The following TTLL11 variants were observed in gnomAD, a reference collection of about 807,000 sequenced individuals.
TTLL11 encodes the protein tubulin polyglutamylase TTLL11.
In TTLL11, 42 loss-of-function variants were observed where a neutral mutation model predicts 51.7. That is an observed-to-expected ratio of 0.81 (90% CI 0.64 to 1.05). The LOEUF (loss-of-function observed/expected upper bound fraction) is 1.05. Ranked by LOEUF, TTLL11 falls within the 50% of genes least tolerant of loss-of-function variation. TTLL11 has a pLI of 0.00. For missense variants in TTLL11, 799 were observed against 940.4 expected (o/e 0.85, Z 1.97); for synonymous variants, 381 against 383.5 (o/e 0.99, Z 0.08).
chr9:121,877,079 G>C (rs967435554), intron 6 of TTLL11, among the ~76,000 whole-genome samples: 1 of 152,214 alleles, frequency 6.6e-6, no homozygotes, highest in Non-Finnish European at 1.5e-5. Context: ...CCCGTGGCTT[G>C]GCAGGAGAGC....
Position 121,822,241 on chromosome 9 carries a change from T to G in TTLL11, c.*346A>C. ...GGCTTCCTCTCCACAGCTCCGGGCC[T>G]TGGGATCGATTGTGTCCTGTGCCCC... On this transcript the variant is annotated 3_prime_UTR_variant, in exon 9 of 9. Transcript: ENST00000321582. This position sits in a 1 kb window ranked among gnomAD's most constrained non-coding sequence, Gnocchi z 5.8. 1 of 162,942 alleles carries G rather than the reference T, an allele frequency of 6.1e-6. No homozygotes were observed. The highest frequency in any genetic ancestry group is 1.3e-5 in the Non-Finnish European group (1 of 75,216). 10.1% of individuals were successfully genotyped at this position (162,942 alleles called of 1,614,324 possible).
intron 6 of TTLL11, among the ~76,000 whole-genome samples, chr9:121,893,238 A>G (rs1156705363): frequency 6.6e-6 from 1 of 152,164 alleles, no homozygotes; most frequent in African/African-American, 2.4e-5. Context: ...ACAAAGAGGG[A>G]AAAAAATCAC....
chr9:121,957,346 T>C (rs1456201791), intron 6 of TTLL11, among the ~76,000 whole-genome samples: 3 of 152,166 alleles, frequency 2.0e-5, no homozygotes, highest in Non-Finnish European at 2.9e-5. Flanking sequence ...CTTGATCATT[T>C]GAGCTGCTGG....
At chr9:121,873,851 T>TC (rs1838459772) in intron 6 of TTLL11, among the ~76,000 whole-genome samples, 1 of 144,340 alleles carries the variant, frequency 6.9e-6, no homozygotes, top group Non-Finnish European at 1.5e-5. Context: ...TTTTTTTTTT[T>TC]TTTGAGAGAC....
At chr9:121,832,330 C>T (rs982961002) in intron 8 of TTLL11, among the ~76,000 whole-genome samples, 1 of 152,108 alleles carries the variant, frequency 6.6e-6, no homozygotes, top group Non-Finnish European at 1.5e-5. Context: ...TCTTCCCTGC[C>T]CCTTCGCCAG....
At chr9:121,865,039 C>T (rs998853909) in intron 7 of TTLL11, among the ~76,000 whole-genome samples, 9 of 152,078 alleles carry the variant, frequency 5.9e-5, no homozygotes, top group African/African-American at 2.2e-4. Flanking sequence ...ACCTAAACAT[C>T]TAAGGGGGCA....
At position 121,820,110 on chromosome 9, in the gene TTLL11, G is replaced by A. The variant is rs1425136158; in HGVS notation, c.*2477C>T. 6.6e-6 allele frequency among the ~76,000 whole-genome samples: 1 copy of A among 152,222 alleles called. No homozygotes were observed. The highest frequency in any genetic ancestry group is 6.5e-5 in the Admixed American group (1 of 15,288). The stretch of plus-strand genomic sequence containing the variant: ...GGGGCCATGGTGGGCGGAGCAGCCC[G>A]CCTCCAGATGATGGCATGGGGTGGG... On this transcript the variant is annotated 3_prime_UTR_variant, in exon 9 of 9. Transcript: ENST00000321582.
chr9:121,963,927 A>C (rs779285231), intron 6 of TTLL11, among the ~76,000 whole-genome samples: 2 of 152,208 alleles, frequency 1.3e-5, no homozygotes, highest in Non-Finnish European at 2.9e-5. Context: ...TGGGGAACGC[A>C]ATGTATCTTG....
rs1473869389 is a variant in TTLL11, at chr9:121,826,488, T to C, written c.1841-3609A>G. 1.1e-3 allele frequency among the ~76,000 whole-genome samples: 82 copies of C among 73,704 alleles called. 2 individuals are homozygous for C. The highest frequency in any genetic ancestry group is 4.9e-3 in the African/African-American group (79 of 16,084). 48.4% of individuals were successfully genotyped at this position (73,704 alleles called of 152,430 possible). On this transcript the variant is annotated intron_variant, in intron 8 of 8. Transcript: ENST00000321582. The stretch of plus-strand genomic sequence containing the variant: ...GTGTGTATATATATATATGTATATA[T>C]ATATATGTGTGTGTATATATATATA...
At chr9:121,996,484 C>A (rs1342698211) in intron 3 of TTLL11, among the ~76,000 whole-genome samples, 1 of 152,164 alleles carries the variant, frequency 6.6e-6, no homozygotes, top group East Asian at 1.9e-4. Flanking sequence ...CACATGCACA[C>A]ACATGTATAG....
chr9:121,969,124 C>T (rs1418329913), intron 6 of TTLL11, among the ~76,000 whole-genome samples: 2 of 152,186 alleles, frequency 1.3e-5, no homozygotes, highest in Non-Finnish European at 1.5e-5. Flanking sequence ...CCCACCTTGG[C>T]CTCCCAAAGT....
rs4348572 is a variant in TTLL11, at chr9:121,820,017, T to G, written c.*2570A>C. Among the ~76,000 whole-genome samples, 161 of 152,144 alleles carry G rather than the reference T, an allele frequency of 1.1e-3. No homozygotes were observed. The highest frequency in any genetic ancestry group is 3.6e-3 in the African/African-American group (151 of 41,554). On this transcript the variant is annotated 3_prime_UTR_variant, in exon 9 of 9. Transcript: ENST00000321582. ...TCCCTAACAATCAGCAGGGAGGCTC[T>G]GTGCCCTGCGGGTGGGTGGGGCTAT...
chr9:122,020,832 C>T (rs193080555), intron 3 of TTLL11, among the ~76,000 whole-genome samples: 3 of 152,326 alleles, frequency 2.0e-5, no homozygotes, highest in South Asian at 2.1e-4. Context: ...AGGGCCCTCA[C>T]CAGAACCCAA....
At chr9:122,054,351 T>A (rs371539958) in intron 1 of TTLL11, among the ~76,000 whole-genome samples, 1 of 152,140 alleles carries the variant, frequency 6.6e-6, no homozygotes, top group Non-Finnish European at 1.5e-5. Flanking sequence ...CAGCGTACCA[T>A]AGCAATCTCC....
chr9:121,842,016 T>C (rs1030134747), intron 8 of TTLL11, among the ~76,000 whole-genome samples: 2 of 152,132 alleles, frequency 1.3e-5, no homozygotes, highest in African/African-American at 4.8e-5. Context: ...TGTGCCTGCC[T>C]TCTTCCACCT....
intron 6 of TTLL11, among the ~76,000 whole-genome samples, chr9:121,924,345 C>T (rs1182671682): frequency 6.6e-6 from 1 of 152,190 alleles, no homozygotes; most frequent in Non-Finnish European, 1.5e-5. Context: ...ACATCCCCAG[C>T]ACTGTGGCAG....
intron 8 of TTLL11, among the ~76,000 whole-genome samples, chr9:121,827,707 T>C (rs1397201936): frequency 6.6e-6 from 1 of 151,946 alleles, no homozygotes. Flanking sequence ...ATATTGGCTT[T>C]AATCCTCAAT....
At chr9:121,919,173 A>T (rs1840438184) in intron 6 of TTLL11, among the ~76,000 whole-genome samples, 2 of 152,238 alleles carry the variant, frequency 1.3e-5, no homozygotes, top group African/African-American at 4.8e-5. Flanking sequence ...AATGATGGGG[A>T]TAATGGGGGC....
rs185397932 is a variant in TTLL11 at position 121,974,846 on chromosome 9, T to C, written c.1365+38A>G. On this transcript the variant is annotated intron_variant, in intron 5 of 8. Transcript: ENST00000321582. Reference sequence around the variant, plus strand: ...ACATGAGGGTAGGAATATTCAGCTGTATGGCAACATAGTCAATGAGATGCT... The same window carrying C: ...ACATGAGGGTAGGAATATTCAGCTGCATGGCAACATAGTCAATGAGATGCT... 636 of 1,436,738 alleles carry C rather than the reference T, an allele frequency of 4.4e-4. 1 individual carries two copies. The highest frequency in any genetic ancestry group is 1.1e-3 in the Admixed American group (53 of 46,976). 89.0% of individuals were successfully genotyped at this position (1,436,738 alleles called of 1,614,324 possible).
Sources: allele counts gnomAD v4.1 joint callset (sites outside exome capture counted in the v4.1 genomes callset), GRCh38; gene constraint gnomAD v4.1.1; non-coding constraint Gnocchi (gnomAD v3.1); transcripts MANE v1.5; gene names NCBI Gene and HGNC (gene_info 2026-07-23, HGNC 2026-07-21).